CASTOR2: variants seen among roughly 807,000 people sequenced by gnomAD.
The protein encoded by CASTOR2 is GATS protein like 2.
A neutral mutation model predicts 31.2 loss-of-function variants in CASTOR2; 8 were observed. The ratio of observed to expected loss-of-function variants is 0.26; its 90% CI spans 0.15 to 0.46. The LOEUF (loss-of-function observed/expected upper bound fraction) is 0.46. Among genes scored for constraint, CASTOR2 ranks in the 20% least tolerant of loss-of-function variants. The probability of loss-of-function intolerance (pLI) is 0.99; values close to 1 mark genes in which losing one functional copy is unlikely to be tolerated. For missense variants in CASTOR2, 216 were observed against 382.1 expected (o/e 0.57, Z 3.62); for synonymous variants, 162 against 158.7 (o/e 1.02, Z -0.16).
At chr7:74,990,154 C>T (rs1425057969) in intron 1 of CASTOR2, among the ~76,000 whole-genome samples, 5 of 151,738 alleles carry the variant, frequency 3.3e-5, no homozygotes, top group Admixed American at 6.6e-5. Flanking sequence ...TTTGGGAGGC[C>T]GAGGCGGGCA....
chr7:74,997,886 T>G (rs1314174233), intron 1 of CASTOR2, among the ~76,000 whole-genome samples: 73 of 152,316 alleles, frequency 4.8e-4, no homozygotes, highest in African/African-American at 1.7e-3. Context: ...ATGGTTCATG[T>G]GTTGCCTGCT....
At position 74,983,722 on chromosome 7, in the gene CASTOR2, A is replaced by G. The variant is rs1292504414; in HGVS notation, c.113+18624A>G. ...TGTGGGGAATGTCTCCCAACAAGAC[A>G]CCTTATCAAGCGCTCTCTCTCCACT... On this transcript the variant is annotated intron_variant, in intron 1 of 8. Coordinates refer to ENST00000616305, the MANE Select transcript of CASTOR2 (RefSeq NM_001145064.3). Among the ~76,000 whole-genome samples the G allele has an allele frequency of 4.0e-5, 6 of 150,622 alleles. No individual in the cohort carries two copies. In the South Asian group the frequency reaches 8.4e-4, roughly 21 times the overall value.
In CASTOR2 at chr7:75,029,128, C is replaced by T. The variant is rs1202488847; in HGVS notation, c.*4429C>T. Among the ~76,000 whole-genome samples the T allele has an allele frequency of 3.9e-5, 6 of 152,218 alleles. No homozygotes were observed. Among genetic ancestry groups the T allele is most frequent in the Admixed American group, 3.9e-4 (6 of 15,284 alleles). On this transcript the variant is annotated 3_prime_UTR_variant, in exon 9 of 9. Transcript: ENST00000616305. Reference sequence around the variant, plus strand: ...TGGGAAGACAGGAAGGGCCAGGCCCCTGTTAAAGCCCAGGGCACTATTTGG... The same window carrying T: ...TGGGAAGACAGGAAGGGCCAGGCCCTTGTTAAAGCCCAGGGCACTATTTGG...
chr7:75,028,213 T>C lies in CASTOR2; in HGVS notation c.*3514T>C. On this transcript the variant is annotated 3_prime_UTR_variant, in exon 9 of 9. Coordinates refer to ENST00000616305, the MANE Select transcript of CASTOR2 (RefSeq NM_001145064.3). ...GCTCACTGCAGCAACCTCCACTTCCTGGGTTCAAGCGAGTCTCCTACATTG... is the reference window on the plus strand; with the variant it reads ...GCTCACTGCAGCAACCTCCACTTCCCGGGTTCAAGCGAGTCTCCTACATTG... 2.4e-6 allele frequency: 2 copies of C among 836,188 alleles called. No individual in the cohort carries two copies. The highest frequency in any genetic ancestry group is 3.6e-6 in the Non-Finnish European group (2 of 558,532). 51.8% of individuals were successfully genotyped at this position (836,188 alleles called of 1,614,324 possible).
chr7:74,987,403 GAA>G (rs1211864183), intron 1 of CASTOR2, among the ~76,000 whole-genome samples: 7 of 91,674 alleles, frequency 7.6e-5, no homozygotes, highest in African/African-American at 2.0e-4. Flanking sequence ...GTCTCAAAAA[GAA>G]AAAAAAAAAA....
At position 75,019,036 on chromosome 7, in the gene CASTOR2, C is replaced by T; in HGVS notation, c.576C>T (p.Asp192=). The T allele has an allele frequency of 6.4e-7, 1 of 1,551,924 alleles. No homozygotes were observed. Among genetic ancestry groups the T allele is most frequent in the Non-Finnish European group, 8.7e-7 (1 of 1,147,052 alleles). The change falls in exon 5 of 9, where the codon GAC becomes GAT. Residue 192 remains aspartate, a synonymous_variant. Coordinates refer to ENST00000616305, the MANE Select transcript of CASTOR2 (RefSeq NM_001145064.3). ...PSNRFCVTSL[D]PDTLPAVATL... is the part of the protein sequence containing the mutation. ...ACAGGTTCTGTGTCACCAGCCTGGA[C>T]CCTGACACGCTGCCTGCTGTTGCCA...
In CASTOR2 at chr7:75,030,311, C is replaced by T. The variant is rs892460668; in HGVS notation, c.*5612C>T. Among the ~76,000 whole-genome samples, 1 of 152,182 alleles carries T rather than the reference C, an allele frequency of 6.6e-6. No individual in the cohort carries two copies. The highest frequency in any genetic ancestry group is 1.5e-5 in the Non-Finnish European group (1 of 68,034). On this transcript the variant is annotated 3_prime_UTR_variant, in exon 9 of 9. Transcript: ENST00000616305. ...CCACACCTGAGATATGGGACTGGCT[C>T]TTGGAGTATTTTGAGTTCTCAGTAG...
rs1805105456 is a variant in CASTOR2 at position 75,025,580 on chromosome 7, A to G, written c.*881A>G. The stretch of plus-strand genomic sequence containing the variant: ...TCCCACCTCCCCAACAGACAACTAG[A>G]CCAGCATAGGACTCCCCGCCGTCCT... On this transcript the variant is annotated 3_prime_UTR_variant, in exon 9 of 9. Transcript: ENST00000616305. Among the ~76,000 whole-genome samples the G allele has an allele frequency of 6.6e-6, 1 of 152,098 alleles. No individual in the cohort carries two copies. Among genetic ancestry groups the G allele is most frequent in the African/African-American group, 2.4e-5 (1 of 41,436 alleles).
intron 1 of CASTOR2, among the ~76,000 whole-genome samples, chr7:74,980,692 C>CA (rs1165232136): frequency 1.4e-5 from 2 of 138,768 alleles, no homozygotes; most frequent in African/African-American, 6.5e-5. Context: ...GCACATCTGA[C>CA]AATTGCAGGA....
At chr7:75,009,714 C>T (rs1254536108) in intron 2 of CASTOR2, among the ~76,000 whole-genome samples, 2 of 151,576 alleles carry the variant, frequency 1.3e-5, no homozygotes, top group Non-Finnish European at 2.9e-5. Flanking sequence ...ACTGGGGACA[C>T]ACTTGGCATC....
At chr7:75,010,825 A>G (rs1335530381) in intron 2 of CASTOR2, among the ~76,000 whole-genome samples, 1 of 151,990 alleles carries the variant, frequency 6.6e-6, no homozygotes, top group Non-Finnish European at 1.5e-5. Context: ...AAGAAAAAAA[A>G]AATTGAGTGG....
intron 7 of CASTOR2, among the ~76,000 whole-genome samples, chr7:75,023,691 C>T (rs999636070): frequency 1.9e-3 from 296 of 152,078 alleles, no homozygotes; most frequent in Non-Finnish European, 3.4e-3. Context: ...CCACCCGCCT[C>T]GGCCTCCCAA....
In CASTOR2 at chr7:75,025,371, C is replaced by T. The variant is rs1231428276; in HGVS notation, c.*672C>T. Among the ~76,000 whole-genome samples, 1 of 152,174 alleles carries T rather than the reference C, an allele frequency of 6.6e-6. No individual in the cohort carries two copies. The highest frequency in any genetic ancestry group is 1.9e-4 in the East Asian group (1 of 5,184). On this transcript the variant is annotated 3_prime_UTR_variant, in exon 9 of 9. Coordinates refer to ENST00000616305, the MANE Select transcript of CASTOR2 (RefSeq NM_001145064.3). The stretch of plus-strand genomic sequence containing the variant: ...GCAAGACTGCCAAGAGGGCCCTGTC[C>T]AGACCCTCCCCCACAAGCACTCAGT...
At chr7:75,015,083 A>T (rs1470470640) in intron 2 of CASTOR2, among the ~76,000 whole-genome samples, 2 of 152,152 alleles carry the variant, frequency 1.3e-5, no homozygotes, top group African/African-American at 2.4e-5. Context: ...AGCGGGACCA[A>T]TGGGCTCCTT....
In CASTOR2 at chr7:75,026,206, T is replaced by TTTTTTTTTTTTTTTTGTTG. The variant is rs1805127977; in HGVS notation, c.*1507_*1508insTTTTTTTTTTTTTTTGTTG. Among the ~76,000 whole-genome samples, 1 of 141,732 alleles carries TTTTTTTTTTTTTTTTGTTG rather than the reference T, an allele frequency of 7.1e-6. No individual in the cohort carries two copies. The highest frequency in any genetic ancestry group is 2.7e-5 in the African/African-American group (1 of 37,122). 93.0% of individuals were successfully genotyped at this position (141,732 alleles called of 152,430 possible). On this transcript the variant is annotated 3_prime_UTR_variant, in exon 9 of 9. Transcript: ENST00000616305. ...TGGCGGGGGTTTTTTTTTTTTTTTTTGAGATGGGAGTCTGGCTCTGTTGCC... is the reference window on the plus strand; with the variant it reads ...TGGCGGGGGTTTTTTTTTTTTTTTTTTTTTTTTTTTTTTTTGTTGGAGATGGGAGTCTGGCTCTGTTGCC...
chr7:75,011,746 A>AAG (rs1206318648), intron 2 of CASTOR2, among the ~76,000 whole-genome samples: 1 of 122,270 alleles, frequency 8.2e-6, no homozygotes, highest in African/African-American at 5.5e-5. Context: ...AAAAAAAAAA[A>AAG]CCAAAAAAAA....
intron 1 of CASTOR2, among the ~76,000 whole-genome samples, chr7:74,985,067 G>C (rs1278981973): frequency 1.3e-5 from 2 of 152,156 alleles, no homozygotes; most frequent in Non-Finnish European, 2.9e-5. Context: ...AACCCAAGAG[G>C]TGGAGATTGC....
chr7:75,023,778 C>T (rs1210114679), intron 7 of CASTOR2, among the ~76,000 whole-genome samples: 3 of 152,196 alleles, frequency 2.0e-5, no homozygotes, highest in African/African-American at 7.2e-5. Flanking sequence ...CTCGTGAGGA[C>T]TTACTGTCAC....
chr7:75,018,087 T>C lies in CASTOR2; in HGVS notation c.476T>C (p.Leu159Pro). 1 of 1,614,056 alleles carries C rather than the reference T, an allele frequency of 6.2e-7. No homozygotes were observed. Among genetic ancestry groups the C allele is most frequent in the Middle Eastern group, 1.6e-4 (1 of 6,062 alleles). Reference sequence around the variant, plus strand: ...GGCGAGACCGTGGCAGCCGAGAACCTCGGCATCACCAATGGCTTCGTGAAG... The same window carrying C: ...GGCGAGACCGTGGCAGCCGAGAACCCCGGCATCACCAATGGCTTCGTGAAG... ...VNGETVAAEN[L>P]GITNGFVKPK... Residue 159 changes from leucine to proline, a missense_variant, in exon 4 of 9, where the codon CTC becomes CCC. Leu to Pro is a moderately conservative substitution (Grantham distance 98, BLOSUM62 -3). Transcript: ENST00000616305.
Sources: allele counts gnomAD v4.1 joint callset (sites outside exome capture counted in the v4.1 genomes callset), GRCh38; gene constraint gnomAD v4.1.1; transcripts MANE v1.5; gene names NCBI Gene and HGNC (gene_info 2026-07-23, HGNC 2026-07-21).